The following PEX5 variants were observed in gnomAD, a reference collection of about 807,000 sequenced individuals.
The protein encoded by PEX5 is peroxisomal biogenesis factor 5.
A neutral mutation model predicts 82.9 loss-of-function variants in PEX5; 52 were observed. The ratio of observed to expected loss-of-function variants is 0.63; its 90% CI spans 0.50 to 0.79. PEX5 has a LOEUF of 0.79. PEX5 is among the 30% of genes least tolerant of loss of function. The pLI is 0.00. For missense variants in PEX5, 719 were observed against 815.2 expected (o/e 0.88, Z 1.44); for synonymous variants, 300 against 318.8 (o/e 0.94, Z 0.63).
downstream of PEX5, among the ~76,000 whole-genome samples, chr12:7,214,426 G>T (rs1235365252): frequency 8.6e-5 from 13 of 151,716 alleles, no homozygotes; most frequent in Non-Finnish European, 1.6e-4. Context: ...GTAGGGACAT[G>T]GATGAAATTG....
chr12:7,212,486 A>AC (rs796966976), downstream of PEX5, among the ~76,000 whole-genome samples: 2 of 97,824 alleles, frequency 2.0e-5, no homozygotes, highest in East Asian at 4.8e-4. Context: ...AAAAAAAAAA[A>AC]AACCCAAAAA....
chr12:7,216,988 T>G (rs1388748910), intron 17 of PEX5, among the ~76,000 whole-genome samples: 1 of 152,228 alleles, frequency 6.6e-6, no homozygotes, highest in Non-Finnish European at 1.5e-5. Flanking sequence ...TTTCTTCACA[T>G]CAATGTAGTA....
intron 5 of PEX5, among the ~76,000 whole-genome samples, chr12:7,196,658 TTATATATGTCACATATAATGTAATAATTA>T (rs1591688432): frequency 5.3e-4 from 1 of 1,892 alleles, no homozygotes; most frequent in East Asian, 7.1e-3. Context: ...AATGTAATAA[TTATATATGTCACATATAATGTAATAATTA>T]TATATGTCAC....
intron 10 of PEX5, among the ~76,000 whole-genome samples, chr12:7,204,431 G>T (rs1437892023): frequency 6.6e-6 from 1 of 152,210 alleles, no homozygotes; most frequent in Non-Finnish European, 1.5e-5. Context: ...TCAGAAAAAG[G>T]CTAGAGTTTG....
chr12:7,212,069 G>A (rs1254444333), downstream of PEX5, among the ~76,000 whole-genome samples: 1 of 151,348 alleles, frequency 6.6e-6, no homozygotes, highest in South Asian at 2.1e-4. Flanking sequence ...GGGTTCAAGC[G>A]ATTCTCCTGC....
rs1940797259 is a variant in PEX5, at chr12:7,190,401, GGCCGAATGCGGGGGT to G, written c.28_42del (p.Glu10_Ala14del). ...CCATGGCAATGCGGGAGCTGGTGGAGGCCGAATGCGGGGGTGCCAACCCGCTCATGAAGCTCGCCG... is the reference window on the plus strand; with the variant it reads ...CCATGGCAATGCGGGAGCTGGTGGAGGCCAACCCGCTCATGAAGCTCGCCG... On this transcript the variant is annotated inframe_deletion, in exon 2 of 16. Coordinates refer to ENST00000675855, the MANE Select transcript of PEX5 (RefSeq NM_001351132.2). 1 of 1,614,108 alleles carries G rather than the reference GGCCGAATGCGGGGGT, an allele frequency of 6.2e-7. No individual in the cohort carries two copies. Among genetic ancestry groups the G allele is most frequent in the African/African-American group, 1.3e-5 (1 of 74,944 alleles).
chr12:7,212,998 ACCTAGGAAT>A (rs1255083079), downstream of PEX5: 3 of 152,208 alleles, frequency 2.0e-5, no homozygotes, highest in Non-Finnish European at 4.4e-5. Context: ...GCTATAAAAT[ACCTAGGAAT>A]CCAACTTACA....
chr12:7,193,656 A>G (rs1941589754), intron 5 of PEX5, among the ~76,000 whole-genome samples: 1 of 152,236 alleles, frequency 6.6e-6, no homozygotes, highest in Non-Finnish European at 1.5e-5. Context: ...TATCACAGAG[A>G]GGCTTCTGTT....
chr12:7,196,416 G>A (rs1565683296), intron 5 of PEX5, among the ~76,000 whole-genome samples: 2 of 138,242 alleles, frequency 1.4e-5, no homozygotes, highest in African/African-American at 5.2e-5. Context: ...CATATATAAT[G>A]TAATAATTAT....
At chr12:7,194,130 C>G (rs1055349070) in intron 5 of PEX5, among the ~76,000 whole-genome samples, 6 of 152,008 alleles carry the variant, frequency 3.9e-5, no homozygotes, top group Non-Finnish European at 7.4e-5. Flanking sequence ...GTGGTTGATA[C>G]AATTGTATGG....
chr12:7,210,325 C>A lies in PEX5; in HGVS notation c.*102C>A. ...GCCTACCAAGGGGGCGGGCTGATGA[C>A]CATAAGCGGTACGGCCTTTCAGGAG... On this transcript the variant is annotated 3_prime_UTR_variant, in exon 16 of 16. Coordinates refer to ENST00000675855, the MANE Select transcript of PEX5 (RefSeq NM_001351132.2). 1 of 1,094,156 alleles carries A rather than the reference C, an allele frequency of 9.1e-7. No individual in the cohort carries two copies. Among genetic ancestry groups the A allele is most frequent in the Non-Finnish European group, 1.4e-6 (1 of 720,264 alleles). The allele number at this position is 1,094,156 out of a possible 1,614,324, so 67.8% of individuals were successfully genotyped here.
At chr12:7,201,156 CATATAT>C (rs1299810664) in intron 6 of PEX5, among the ~76,000 whole-genome samples, 4 of 49,736 alleles carry the variant, frequency 8.0e-5, no homozygotes, top group Admixed American at 3.8e-4. Context: ...CACGCACACA[CATATAT>C]ACACACATAC....
At chr12:7,215,974 AAT>A (rs1945767804), downstream of PEX5, among the ~76,000 whole-genome samples, 1 of 152,184 alleles carries the variant, frequency 6.6e-6, no homozygotes, top group Non-Finnish European at 1.5e-5. Flanking sequence ...ATTAAAAAAA[AAT>A]TTTTTTTTGA....
At chr12:7,216,967 T>C (rs961078197) in intron 17 of PEX5, among the ~76,000 whole-genome samples, 2 of 152,202 alleles carry the variant, frequency 1.3e-5, no homozygotes, top group Non-Finnish European at 2.9e-5. Context: ...AATTCATACG[T>C]GTTTATTTTT....
At chr12:7,215,442 T>C (rs1181427539), downstream of PEX5, among the ~76,000 whole-genome samples, 1 of 152,228 alleles carries the variant, frequency 6.6e-6, no homozygotes, top group East Asian at 1.9e-4. Context: ...CATGCACTCA[T>C]ATGTTCATTG....
At position 7,202,318 on chromosome 12, in the gene PEX5, A is replaced by C. The variant is rs745786438; in HGVS notation, c.720A>C (p.Ala240=). 3.1e-6 allele frequency: 5 copies of C among 1,614,020 alleles called. No homozygotes were observed. The East Asian group carries it at 1.1e-4, about 36-fold the overall frequency. Residue 240 remains alanine (A), a synonymous_variant, in exon 8 of 16, where the codon GCA becomes GCC. Coordinates refer to ENST00000675855, the MANE Select transcript of PEX5 (RefSeq NM_001351132.2). The part of the protein sequence containing the change: ...ESGAGSGRAQ[A]EQWAAEFIQQ... ...GTGCAGGGTCGGGCCGAGCTCAGGC[A>C]GAACAGTGGGCAGCAGAGTTTATAC... is the stretch of plus-strand genomic sequence containing the variant.
At chr12:7,195,983 G>C (rs1046766888) in intron 5 of PEX5, among the ~76,000 whole-genome samples, 1 of 146,218 alleles carries the variant, frequency 6.8e-6, no homozygotes, top group Admixed American at 6.9e-5. Context: ...ATGGATCTAT[G>C]GTCAAAAAAA....
intron 9 of PEX5, among the ~76,000 whole-genome samples, 166 bp from the exon 10 acceptor site, chr12:7,203,266 C>T (rs1455822125): frequency 1.3e-5 from 2 of 149,016 alleles, no homozygotes; most frequent in African/African-American, 5.0e-5. Flanking sequence ...AAATCAGTAT[C>T]TGGGGATAGC....
chr12:7,198,970 A>C lies in PEX5; in HGVS notation c.449-41A>C, dbSNP rs1394108747. 2.7e-6 allele frequency: 3 copies of C among 1,112,680 alleles called. No homozygotes were observed. In the Admixed American group the frequency reaches 5.6e-5, roughly 21 times the overall value. 68.9% of individuals were successfully genotyped at this position (1,112,680 alleles called of 1,614,324 possible). The stretch of plus-strand genomic sequence containing the variant: ...TTTCCCTTTCCTTGATCCCACACTG[A>C]ATGAACCTGTGTGATTTCCCCACTT... On this transcript the variant is annotated intron_variant, in intron 5 of 15. Coordinates refer to ENST00000675855, the MANE Select transcript of PEX5 (RefSeq NM_001351132.2).
Sources: gnomAD v4.1 joint callset for allele counts (sites outside exome capture counted in the v4.1 genomes callset) on GRCh38, gnomAD v4.1.1 for gene constraint, MANE v1.5 for transcripts, NCBI Gene and HGNC (gene_info 2026-07-23, HGNC 2026-07-21) for gene names.